Variants in PPM1A observed in about 807,000 individuals in gnomAD.
The protein encoded by PPM1A is protein phosphatase 1A.
PPM1A carries 7 observed loss-of-function variants against 35.0 expected under a neutral mutation model. The ratio of observed to expected loss-of-function variants is 0.20; its 90% CI spans 0.11 to 0.38. The LOEUF (loss-of-function observed/expected upper bound fraction) is 0.38. Ranked by LOEUF, PPM1A falls within the 10% of genes least tolerant of loss-of-function variation. The probability of loss-of-function intolerance (pLI) is 1.00; values close to 1 mark genes in which losing one functional copy is unlikely to be tolerated. For missense variants in PPM1A, 239 were observed against 467.8 expected (o/e 0.51, Z 4.51); for synonymous variants, 153 against 167.3 (o/e 0.91, Z 0.66).
At chr14:60,261,436 C>A (rs1339430190) in intron 1 of PPM1A, among the ~76,000 whole-genome samples, 1 of 151,916 alleles carries the variant, frequency 6.6e-6, no homozygotes, top group Non-Finnish European at 1.5e-5. Flanking sequence ...AAAGGATAGC[C>A]CCCTTTTTTG....
chr14:60,270,084 T>A (rs1170671516), intron 1 of PPM1A, among the ~76,000 whole-genome samples: 2 of 152,228 alleles, frequency 1.3e-5, no homozygotes, highest in Non-Finnish European at 2.9e-5. Context: ...CTGCATTGTT[T>A]GTATCTTTTC....
chr14:60,269,156 T>C (rs1405589382), intron 1 of PPM1A, among the ~76,000 whole-genome samples: 1 of 152,226 alleles, frequency 6.6e-6, no homozygotes, highest in Non-Finnish European at 1.5e-5. Flanking sequence ...CCTTGTGATT[T>C]ACTTTGTCTG....
upstream of PPM1A, chr14:60,245,804 C>G: frequency 6.6e-7 from 1 of 1,519,378 alleles, no homozygotes; most frequent in Non-Finnish European, 8.8e-7. This position sits in a 1 kb window ranked among gnomAD's most constrained non-coding sequence, Gnocchi z 4.2. Context: ...AGGGGGCACA[C>G]CCTCTCCCTG....
chr14:60,297,490 A>G lies in PPM1A; in HGVS notation c.*5008A>G, dbSNP rs552489483. ...AGAATTAATGCAATGTTTCTTCACTAGAAAACCCAACCCTTCATTTCTTTT... is the reference window on the plus strand; with the variant it reads ...AGAATTAATGCAATGTTTCTTCACTGGAAAACCCAACCCTTCATTTCTTTT... On this transcript the variant is annotated 3_prime_UTR_variant, in exon 6 of 6. Transcript: ENST00000395076. 26 of 151,872 alleles carry G rather than the reference A, an allele frequency of 1.7e-4. No individual in the cohort carries two copies. The highest frequency in any genetic ancestry group is 6.3e-4 in the African/African-American group (26 of 41,532). The allele number at this position is 151,872 out of a possible 1,614,324, so 9.4% of individuals were successfully genotyped here.
chr14:60,270,548 A>G (rs1214807339), intron 1 of PPM1A, among the ~76,000 whole-genome samples: 1 of 152,146 alleles, frequency 6.6e-6, no homozygotes, highest in Non-Finnish European at 1.5e-5. Context: ...TTCTGTCATT[A>G]TACTAGGATA....
In PPM1A at chr14:60,249,574, C is replaced by T; in HGVS notation, c.-124C>T. ...ACCTGGCCCGCCGCTGCAGCGGTGACCCCTCCCCCGGCTGCCGCCGTCGCC... is the reference window on the plus strand; with the variant it reads ...ACCTGGCCCGCCGCTGCAGCGGTGATCCCTCCCCCGGCTGCCGCCGTCGCC... On this transcript the variant is annotated 5_prime_UTR_variant, in exon 1 of 6. Coordinates refer to ENST00000395076, the MANE Select transcript of PPM1A (RefSeq NM_021003.5). This position sits in a 1 kb window ranked among gnomAD's most constrained non-coding sequence, Gnocchi z 4.5. 1 of 986,730 alleles carries T rather than the reference C, an allele frequency of 1.0e-6. No individual in the cohort carries two copies. The highest frequency in any genetic ancestry group is 1.2e-6 in the Non-Finnish European group (1 of 830,970). The allele number at this position is 986,730 out of a possible 1,614,324, so 61.1% of individuals were successfully genotyped here.
At chr14:60,288,473 A>G (rs1202480313) in intron 3 of PPM1A, 4 of 983,634 alleles carry the variant, frequency 4.1e-6, no homozygotes. Flanking sequence ...ATTTTTGTAC[A>G]GCAGATTTCC....
Position 60,260,435 on chromosome 14 carries a change from T to C in PPM1A, c.-21+10758T>C, listed in dbSNP as rs978428267. 2.0e-5 allele frequency among the ~76,000 whole-genome samples: 3 copies of C among 152,164 alleles called. No individual in the cohort carries two copies. In the South Asian group the frequency reaches 6.2e-4, roughly 31 times the overall value. On this transcript the variant is annotated intron_variant, in intron 1 of 5. Coordinates refer to ENST00000395076, the MANE Select transcript of PPM1A (RefSeq NM_021003.5). ...TTTACTATAGCATGAGTATTTTTTA[T>C]ACTGCTATGTATAATCCATAGTCAC...
At chr14:60,291,684 G>A (rs1462282546) in intron 5 of PPM1A, among the ~76,000 whole-genome samples, 1 of 150,150 alleles carries the variant, frequency 6.7e-6, no homozygotes, top group Non-Finnish European at 1.5e-5. Context: ...AAGTCCTTTT[G>A]AATTATTCTA....
intron 3 of PPM1A, chr14:60,286,562 A>G: frequency 1.0e-6 from 1 of 985,376 alleles, no homozygotes; most frequent in Non-Finnish European, 1.2e-6. Flanking sequence ...GTTAAAATGC[A>G]TTTTAGGCTC....
intron 1 of PPM1A, among the ~76,000 whole-genome samples, chr14:60,263,011 G>A (rs1200687342): frequency 6.6e-6 from 1 of 152,184 alleles, no homozygotes; most frequent in African/African-American, 2.4e-5. Flanking sequence ...CAGATCAGGA[G>A]TTCAAGACCA....
At chr14:60,250,033 T>A (rs1288374452) in intron 1 of PPM1A, among the ~76,000 whole-genome samples, 1 of 150,582 alleles carries the variant, frequency 6.6e-6, no homozygotes, top group Admixed American at 6.6e-5. Flanking sequence ...GCAGAACTTT[T>A]CCCGAGCGGG....
chr14:60,274,784 A>G (rs1370455195), intron 1 of PPM1A, among the ~76,000 whole-genome samples: 1 of 151,224 alleles, frequency 6.6e-6, no homozygotes, highest in Non-Finnish European at 1.5e-5. Flanking sequence ...AACTATTTTC[A>G]GAGTACCTCT....
intron 2 of PPM1A, among the ~76,000 whole-genome samples, chr14:60,284,368 G>A (rs1374708328): frequency 2.0e-5 from 3 of 152,132 alleles, no homozygotes; most frequent in South Asian, 2.1e-4. Flanking sequence ...GTTGCCGGGC[G>A]CGGTGGCTCA....
intron 3 of PPM1A, chr14:60,286,073 T>G (rs1237094113): frequency 2.0e-6 from 2 of 1,003,560 alleles, no homozygotes; most frequent in Non-Finnish European, 2.4e-6. Context: ...ATTTGTGGTC[T>G]ATTTAATTAC....
chr14:60,282,599 T>A lies in PPM1A; in HGVS notation c.-20-85T>A. On this transcript the variant is annotated intron_variant, in intron 1 of 5. Transcript: ENST00000395076. This position sits in a 1 kb window ranked among gnomAD's most constrained non-coding sequence, Gnocchi z 5.1. ...ATCGCGAGTTGTGAATTCCCGCATA[T>A]CTCTTTCACTTATTAAAAAGATTGT... 1 of 1,491,038 alleles carries A rather than the reference T, an allele frequency of 6.7e-7. No individual in the cohort carries two copies. Among genetic ancestry groups the A allele is most frequent in the Non-Finnish European group, 9.0e-7 (1 of 1,106,440 alleles). 92.4% of individuals were successfully genotyped at this position (1,491,038 alleles called of 1,614,324 possible).
chr14:60,285,386 T>C (rs1424359338), intron 2 of PPM1A, among the ~76,000 whole-genome samples: 1 of 152,260 alleles, frequency 6.6e-6, no homozygotes, highest in Non-Finnish European at 1.5e-5. Flanking sequence ...TAACCTGTAA[T>C]GTTTCTCTCC....
chr14:60,280,138 C>T (rs941652194), intron 1 of PPM1A, among the ~76,000 whole-genome samples: 7 of 152,056 alleles, frequency 4.6e-5, no homozygotes, highest in South Asian at 2.1e-4. Flanking sequence ...CCCAAGTAGC[C>T]GGGATTACGG....
In PPM1A at chr14:60,295,265, A is replaced by T. The variant is rs1329299171; in HGVS notation, c.*2783A>T. On this transcript the variant is annotated 3_prime_UTR_variant, in exon 6 of 6. Transcript: ENST00000395076. ...AAATTTCACTGATCTTTCTTTCATTAACAGGGTAGAATCTCCTAATTTCCA... is the reference window on the plus strand; with the variant it reads ...AAATTTCACTGATCTTTCTTTCATTTACAGGGTAGAATCTCCTAATTTCCA... The T allele has an allele frequency of 6.6e-6, 1 of 151,802 alleles. No homozygotes were observed. Among genetic ancestry groups the T allele is most frequent in the Non-Finnish European group, 1.5e-5 (1 of 67,774 alleles). The allele number at this position is 151,802 out of a possible 1,614,324, so 9.4% of individuals were successfully genotyped here.
Sources: gnomAD v4.1 joint callset for allele counts (sites outside exome capture counted in the v4.1 genomes callset) on GRCh38, gnomAD v4.1.1 for gene constraint, Gnocchi (gnomAD v3.1) non-coding constraint, MANE v1.5 for transcripts, NCBI Gene and HGNC (gene_info 2026-07-23, HGNC 2026-07-21) for gene names.